Variants in PNPLA6 observed in about 807,000 individuals in gnomAD.
PNPLA6 encodes patatin like domain 6, lysophospholipase.
In PNPLA6, 105 loss-of-function variants were observed where a neutral mutation model predicts 153.7. That is an observed-to-expected ratio of 0.68 (90% CI 0.58 to 0.80). The LOEUF is 0.80. Ranked by LOEUF, PNPLA6 falls within the 30% of genes least tolerant of loss-of-function variation. PNPLA6 has a pLI of 0.00. For missense variants in PNPLA6, 1,423 were observed against 1,919.3 expected (o/e 0.74, Z 4.83); for synonymous variants, 825 against 822.2 (o/e 1.00, Z -0.06).
intron 26 of PNPLA6, 162 bp from the exon 27 acceptor site, chr19:7,557,006 C>A: frequency 2.6e-6 from 2 of 765,282 alleles, no homozygotes; most frequent in Non-Finnish European, 4.7e-6. Flanking sequence ...CCTCCTACTG[C>A]CCCTACCTGC....
intron 27 of PNPLA6, 138 bp from the exon 28 acceptor site, chr19:7,558,712 C>T (rs922768803): frequency 4.9e-5 from 33 of 667,820 alleles, no homozygotes; most frequent in Non-Finnish European, 8.2e-5. Context: ...TGCATGACAG[C>T]ATGGTGTTTG....
intron 13 of PNPLA6, among the ~76,000 whole-genome samples, chr19:7,546,147 G>T (rs998474441): frequency 2.0e-5 from 3 of 152,150 alleles, no homozygotes; most frequent in Admixed American, 6.6e-5. Context: ...CTGGGTGCAG[G>T]TGGGAGGAAA....
intron 13 of PNPLA6, 77 bp from the exon 14 acceptor site, chr19:7,549,830 C>A: frequency 7.2e-7 from 1 of 1,389,754 alleles, no homozygotes; most frequent in South Asian, 1.2e-5. Flanking sequence ...TTAATTTTTT[C>A]CTGTGGGGGC....
chr19:7,549,331 C>T (rs531316755), intron 13 of PNPLA6, among the ~76,000 whole-genome samples: 1 of 150,638 alleles, frequency 6.6e-6, no homozygotes, highest in South Asian at 2.1e-4. Context: ...GGACTACAGG[C>T]GCCCGCCACC....
chr19:7,543,133 A>C (rs767964160), intron 13 of PNPLA6, 49 bp downstream of exon 13: 2 of 1,506,360 alleles, frequency 1.3e-6, no homozygotes, highest in African/African-American at 1.4e-5. Flanking sequence ...ATCATTCCCT[A>C]TGACTTCTGT....
At chr19:7,550,225 A>T in intron 14 of PNPLA6, 73 bp from the exon 15 acceptor site, 1 of 1,610,940 alleles carries the variant, frequency 6.2e-7, no homozygotes, top group East Asian at 2.2e-5. Context: ...GGGAGCCCCC[A>T]GATCTGGCCT....
At chr19:7,553,797 G>A in intron 18 of PNPLA6, 78 bp from the exon 19 acceptor site, 11 of 1,570,832 alleles carry the variant, frequency 7.0e-6, no homozygotes, top group Non-Finnish European at 9.6e-6. Context: ...AGGAGGAAGA[G>A]GAAGAAGAGG....
At chr19:7,553,849 A>G (rs1407301730) in intron 18 of PNPLA6, 26 bp from the exon 19 acceptor site, 3 of 1,614,044 alleles carry the variant, frequency 1.9e-6, no homozygotes, top group Non-Finnish European at 2.5e-6. Flanking sequence ...TCGCACCACA[A>G]ATCTCATCCA....
Position 7,554,627 on chromosome 19 carries a change from G to A in PNPLA6, c.2538G>A (p.Thr846=), listed in dbSNP as rs141573467. 3.7e-6 allele frequency: 6 copies of A among 1,613,916 alleles called. No individual in the cohort carries two copies. In the South Asian group the frequency reaches 4.4e-5, roughly 12 times the overall value. Residue 846 remains threonine (T), a synonymous_variant, in exon 21 of 32, where the codon ACG becomes ACA. Coordinates refer to ENST00000600737, the MANE Select transcript of PNPLA6 (RefSeq NM_001166114.2). Reference sequence around the variant, plus strand: ...CACACCGTATCGTACTCTACCAGACGGACGCCTCGCTGACGCCCTGGACCG... The same window carrying A: ...CACACCGTATCGTACTCTACCAGACAGACGCCTCGCTGACGCCCTGGACCG... ...EDAHRIVLYQ[T]DASLTPWTVR...
chr19:7,560,904 G>A, intron 29 of PNPLA6, 110 bp from the exon 30 acceptor site: 1 of 858,308 alleles, frequency 1.2e-6, no homozygotes, highest in Non-Finnish European at 1.9e-6. Flanking sequence ...TGACTTCAGA[G>A]AGTTCCCACC....
Position 7,559,156 on chromosome 19 carries a change from G to A in PNPLA6, c.3699+5G>A, listed in dbSNP as rs1034438260. 3 of 1,613,278 alleles carry A rather than the reference G, an allele frequency of 1.9e-6. No homozygotes were observed. The highest frequency in any genetic ancestry group is 1.1e-5 in the South Asian group (1 of 91,078). Reference sequence around the variant, plus strand: ...GGGAAGTTCGACCAGATCTATGTGAGTGGGCAGGAGTGGCATGGTGCCTGC... The same window carrying A: ...GGGAAGTTCGACCAGATCTATGTGAATGGGCAGGAGTGGCATGGTGCCTGC... On this transcript the variant is annotated splice_donor_5th_base_variant and intron_variant, in intron 28 of 31. Transcript: ENST00000600737.
chr19:7,543,874 C>T (rs982167617), intron 13 of PNPLA6, among the ~76,000 whole-genome samples: 6 of 149,344 alleles, frequency 4.0e-5, no homozygotes, highest in African/African-American at 7.4e-5. Context: ...GCTGCAGTGG[C>T]GTGACGGTGG....
chr19:7,552,553 C>T (rs1415425400), intron 18 of PNPLA6, among the ~76,000 whole-genome samples: 1 of 151,926 alleles, frequency 6.6e-6, no homozygotes, highest in Non-Finnish European at 1.5e-5. Flanking sequence ...GTCAGGGGTT[C>T]GAGACCAGCC....
Position 7,556,131 on chromosome 19 carries a change from C to T in PNPLA6, c.3094-322C>T, listed in dbSNP as rs2023871086. Reference sequence around the variant, plus strand: ...AGGCTGGAGTGCAGTGGCACAATCTCGGCTCACTGCAACCTCCACCTCCCA... The same window carrying T: ...AGGCTGGAGTGCAGTGGCACAATCTTGGCTCACTGCAACCTCCACCTCCCA... On this transcript the variant is annotated intron_variant, in intron 24 of 31. Transcript: ENST00000600737. Among the ~76,000 whole-genome samples, 6 of 139,046 alleles carry T rather than the reference C, an allele frequency of 4.3e-5. No homozygotes were observed. In the Admixed American group the frequency reaches 4.9e-4, roughly 11 times the overall value. The allele number at this position is 139,046 out of a possible 152,430, so 91.2% of individuals were successfully genotyped here.
At chr19:7,542,524 T>C (rs1010011612) in intron 10 of PNPLA6, 37 bp from the exon 11 acceptor site, 2 of 1,479,320 alleles carry the variant, frequency 1.4e-6, no homozygotes, top group African/African-American at 2.8e-5. Context: ...CTTACTCTCA[T>C]CTTTATGGTT....
intron 13 of PNPLA6, 127 bp downstream of exon 13, chr19:7,543,211 C>T: frequency 2.4e-6 from 2 of 850,212 alleles, no homozygotes; most frequent in South Asian, 1.4e-5. Flanking sequence ...CCTCTCTCAT[C>T]CTATCATTTC....
intron 28 of PNPLA6, 33 bp from the exon 29 acceptor site, chr19:7,560,615 G>T: frequency 7.1e-7 from 1 of 1,407,724 alleles, no homozygotes; most frequent in Non-Finnish European, 1.0e-6. Flanking sequence ...AAGCAGGGTT[G>T]CAGACATGGA....
intron 13 of PNPLA6, among the ~76,000 whole-genome samples, chr19:7,548,963 T>C (rs8105559): frequency 0.83 from 124,464 of 150,030 alleles, 51,864 homozygotes; most frequent in African/African-American, 0.9. Flanking sequence ...CCACCACGCC[T>C]GGCTAATTTT....
At position 7,555,688 on chromosome 19, in the gene PNPLA6, C is replaced by T. The variant is rs540808899; in HGVS notation, c.3018C>T (p.Gly1006=). The T allele has an allele frequency of 4.3e-6, 7 of 1,613,748 alleles. No individual in the cohort carries two copies. The highest frequency in any genetic ancestry group is 1.3e-5 in the African/African-American group (1 of 75,014). Residue 1006 remains glycine, a synonymous_variant, in exon 24 of 32, where the codon GGC becomes GGT. Transcript: ENST00000600737. This position sits in a 1 kb window ranked among gnomAD's most constrained non-coding sequence, Gnocchi z 6.3. The part of the protein sequence containing the change: ...PVDLVGGTSI[G]SFIGALYAEE... ...ACCTGGTGGGCGGCACGTCCATTGGCTCTTTCATCGGAGCGTTGTACGCGG... is the reference window on the plus strand; with the variant it reads ...ACCTGGTGGGCGGCACGTCCATTGGTTCTTTCATCGGAGCGTTGTACGCGG...
Sources: gnomAD v4.1 joint callset for allele counts (sites outside exome capture counted in the v4.1 genomes callset) on GRCh38, gnomAD v4.1.1 for gene constraint, Gnocchi (gnomAD v3.1) non-coding constraint, MANE v1.5 for transcripts, NCBI Gene and HGNC (gene_info 2026-07-23, HGNC 2026-07-21) for gene names.